The following AGBL1 variants were observed in gnomAD, a reference collection of about 807,000 sequenced individuals.
The protein encoded by AGBL1 is AGBL carboxypeptidase 1.
In AGBL1, 130 loss-of-function variants were observed where a neutral mutation model predicts 118.9. The ratio of observed to expected loss-of-function variants is 1.09; its 90% CI spans 0.95 to 1.26. The LOEUF (loss-of-function observed/expected upper bound fraction) is 1.26. Among genes scored for constraint, AGBL1 ranks in the 50% most tolerant of loss-of-function variants. The probability of loss-of-function intolerance (pLI) is 0.00; values close to 1 mark genes in which losing one functional copy is unlikely to be tolerated. For synonymous variants in AGBL1, 555 were observed against 478.9 expected, an observed-to-expected ratio of 1.16 and a Z score of -2.08; for missense variants, 1,584 against 1,298.1, an observed-to-expected ratio of 1.22 and a Z score of -3.38.
intron 22 of AGBL1, among the ~76,000 whole-genome samples, chr15:86,848,373 T>G (rs1596547557): frequency 6.6e-6 from 1 of 152,312 alleles, no homozygotes. Context: ...AATCCCTGTT[T>G]CAATAAATTA....
At chr15:86,390,265 A>G (rs546644560) in intron 17 of AGBL1, among the ~76,000 whole-genome samples, 15 of 152,192 alleles carry the variant, frequency 9.9e-5, no homozygotes, top group Non-Finnish European at 2.1e-4. Context: ...TGACAACATA[A>G]TATGGAATAG....
intron 22 of AGBL1, among the ~76,000 whole-genome samples, chr15:86,837,670 G>A (rs2079187854): frequency 6.6e-6 from 1 of 152,192 alleles, no homozygotes; most frequent in South Asian, 2.1e-4. Context: ...ATGTCAGGGG[G>A]AGAAATGAGA....
intron 22 of AGBL1, among the ~76,000 whole-genome samples, chr15:86,904,226 G>C (rs2080250824): frequency 6.6e-6 from 1 of 152,108 alleles, no homozygotes; most frequent in African/African-American, 2.4e-5. Context: ...TAGAGTATGT[G>C]AGGCCCAAAG....
chr15:86,994,301 C>A (rs1250048047), intron 24 of AGBL1, among the ~76,000 whole-genome samples: 17 of 123,826 alleles, frequency 1.4e-4, no homozygotes, highest in East Asian at 4.0e-4. Flanking sequence ...AAGGGAATAT[C>A]TCTCTCTCTC....
intron 21 of AGBL1, among the ~76,000 whole-genome samples, chr15:86,564,818 CTTTG>C (rs1396751229): frequency 6.6e-6 from 1 of 152,150 alleles, no homozygotes; most frequent in Non-Finnish European, 1.5e-5. Flanking sequence ...TTCTTGGAGG[CTTTG>C]TTTGTTTGTT....
At chr15:86,226,768 G>A (rs192283211) in intron 6 of AGBL1, among the ~76,000 whole-genome samples, 3 of 152,286 alleles carry the variant, frequency 2.0e-5, no homozygotes, top group East Asian at 3.9e-4. Context: ...TCCCTTTAGA[G>A]CTTAGCTCAG....
intron 18 of AGBL1, among the ~76,000 whole-genome samples, chr15:86,492,886 T>C (rs1208300920): frequency 6.6e-6 from 1 of 151,142 alleles, no homozygotes; most frequent in African/African-American, 2.4e-5. Context: ...TGATCAGGGG[T>C]TTTAGAAAGA....
Position 86,286,060 on chromosome 15 carries a change from G to A in AGBL1, c.2220+6277G>A, listed in dbSNP as rs556216242. Among the ~76,000 whole-genome samples the A allele has an allele frequency of 1.4e-4, 21 of 151,860 alleles. No individual in the cohort carries two copies. The East Asian group carries it at 2.7e-3, about 20-fold the overall frequency. On this transcript the variant is annotated intron_variant, in intron 16 of 22. Transcript: ENST00000614907. ...CTTAATTGTAATATCACAGAATGACGACTACTGCTTTTTGTTTTTCATTTA... is the reference window on the plus strand; with the variant it reads ...CTTAATTGTAATATCACAGAATGACAACTACTGCTTTTTGTTTTTCATTTA...
At chr15:86,291,981 A>T (rs966752166) in intron 16 of AGBL1, among the ~76,000 whole-genome samples, 1 of 152,142 alleles carries the variant, frequency 6.6e-6, no homozygotes, top group African/African-American at 2.4e-5. Context: ...TCCTTTACTT[A>T]GTGTTGTGTC....
At chr15:86,389,772 G>T (rs1038383184) in intron 17 of AGBL1, among the ~76,000 whole-genome samples, 9 of 151,948 alleles carry the variant, frequency 5.9e-5, no homozygotes, top group Non-Finnish European at 1.2e-4. Flanking sequence ...AAGAATAGAA[G>T]GATGTATAAC....
chr15:86,845,382 C>T (rs1294288292), intron 22 of AGBL1, among the ~76,000 whole-genome samples: 1 of 152,076 alleles, frequency 6.6e-6, no homozygotes, highest in Non-Finnish European at 1.5e-5. Flanking sequence ...ATACAGTGTA[C>T]ACTCTATTGT....
At chr15:86,453,462 G>C (rs1050902569) in intron 18 of AGBL1, among the ~76,000 whole-genome samples, 1 of 152,138 alleles carries the variant, frequency 6.6e-6, no homozygotes, top group African/African-American at 2.4e-5. Context: ...AGAGGAGAGA[G>C]CCCGAACACT....
chr15:86,325,785 C>T (rs1280578450), intron 17 of AGBL1, among the ~76,000 whole-genome samples: 1 of 152,170 alleles, frequency 6.6e-6, no homozygotes, highest in Non-Finnish European at 1.5e-5. Context: ...TGCTATTTTT[C>T]CAACGGGTCA....
rs568530981 is a variant in AGBL1, at chr15:86,324,857, G to T, written c.2374+29449G>T. Among the ~76,000 whole-genome samples the T allele has an allele frequency of 3.8e-4, 58 of 152,276 alleles. No individual in the cohort carries two copies. The South Asian group carries it at 0.011, about 30-fold the overall frequency. On this transcript the variant is annotated intron_variant, in intron 17 of 22. Coordinates refer to ENST00000614907, the MANE Select transcript of AGBL1 (RefSeq NM_001386094.1). ...AGTGGGGCCGAGTTTGGGGAAGAGG[G>T]TTAGAGGAAGTGAGCCAATGTCTCC...
intron 18 of AGBL1, among the ~76,000 whole-genome samples, chr15:86,510,656 A>T (rs1357558391): frequency 1.3e-5 from 2 of 152,130 alleles, no homozygotes; most frequent in Non-Finnish European, 2.9e-5. Flanking sequence ...TTTCTCTCCA[A>T]CAAGGAATAT....
chr15:86,262,762 G>T lies in AGBL1; in HGVS notation c.970-16G>T. The T allele has an allele frequency of 6.5e-7, 1 of 1,538,072 alleles. No homozygotes were observed. The highest frequency in any genetic ancestry group is 1.2e-5 in the South Asian group (1 of 86,204). On this transcript the variant is annotated splice_polypyrimidine_tract_variant and intron_variant, in intron 9 of 22. Transcript: ENST00000614907. ...ATTTCCTGACTGTAATCTCTTCTAT[G>T]ACTATTCCATTTTAGGATGATGACT... is the stretch of plus-strand genomic sequence containing the variant.
chr15:86,350,178 G>T (rs758933435), intron 17 of AGBL1, among the ~76,000 whole-genome samples: 3 of 152,164 alleles, frequency 2.0e-5, no homozygotes, highest in Non-Finnish European at 4.4e-5. Context: ...GTGTGCCAGG[G>T]ATGTTTTCAC....
chr15:86,267,946 T>C (rs1755311599), intron 13 of AGBL1, among the ~76,000 whole-genome samples: 2 of 152,218 alleles, frequency 1.3e-5, no homozygotes, highest in South Asian at 2.1e-4. Context: ...GCAAGTTTCC[T>C]AACTCACTTC....
chr15:86,208,705 T>C (rs1053128723), intron 5 of AGBL1, among the ~76,000 whole-genome samples: 4 of 152,192 alleles, frequency 2.6e-5, no homozygotes, highest in African/African-American at 9.7e-5. Context: ...TTGATTCTTC[T>C]CTCTTTTCTT....
Sources: allele counts gnomAD v4.1 joint callset (sites outside exome capture counted in the v4.1 genomes callset), GRCh38; gene constraint gnomAD v4.1.1; transcripts MANE v1.5; gene names NCBI Gene and HGNC (gene_info 2026-07-23, HGNC 2026-07-21).